Variants in ALKBH8 observed in about 807,000 individuals in gnomAD.
ALKBH8 encodes the protein tRNA (carboxymethyluridine(34)-5-O)-methyltransferase ALKBH8.
A neutral mutation model predicts 59.8 loss-of-function variants in ALKBH8; 36 were observed. That is an observed-to-expected ratio of 0.60 (90% CI 0.46 to 0.79). ALKBH8 has a LOEUF of 0.79. Among genes scored for constraint, ALKBH8 ranks in the 30% least tolerant of loss-of-function variants. ALKBH8 has a pLI of 0.00. For missense variants in ALKBH8, 768 were observed against 801.0 expected, an observed-to-expected ratio of 0.96 and a Z score of 0.50; for synonymous variants, 276 against 273.6, an observed-to-expected ratio of 1.01 and a Z score of -0.09.
rs973235245 is a variant in ALKBH8 at position 107,553,733 on chromosome 11, T to A, written c.499+114A>T. On this transcript the variant is annotated intron_variant, in intron 4 of 11. Coordinates refer to ENST00000428149, the MANE Select transcript of ALKBH8 (RefSeq NM_138775.3). Reference sequence around the variant, plus strand: ...TTGGTATGACTTGCCTAACATTGGATCCGGGCTAGTTTCAGTAATTTTGAG... The same window carrying A: ...TTGGTATGACTTGCCTAACATTGGAACCGGGCTAGTTTCAGTAATTTTGAG... 25 of 1,130,134 alleles carry A rather than the reference T, an allele frequency of 2.2e-5. No individual in the cohort carries two copies. The East Asian group carries it at 6.5e-4, about 29-fold the overall frequency. The allele number at this position is 1,130,134 out of a possible 1,614,324, so 70.0% of individuals were successfully genotyped here. A position where few individuals can be genotyped will look rare whatever the true frequency, so the allele number is the denominator to read the frequency against.
At chr11:107,533,882 A>T (rs1565330944) in intron 7 of ALKBH8, among the ~76,000 whole-genome samples, 1 of 152,164 alleles carries the variant, frequency 6.6e-6, no homozygotes, top group African/African-American at 2.4e-5. Flanking sequence ...TAATCCCAGC[A>T]CTTTGGGAGG....
At chr11:107,558,555 A>C (rs566783353) in intron 2 of ALKBH8, among the ~76,000 whole-genome samples, 1 of 152,322 alleles carries the variant, frequency 6.6e-6, no homozygotes, top group East Asian at 1.9e-4. Flanking sequence ...AAGATGATGA[A>C]GTATGACTTC....
chr11:107,515,219 T>A (rs1358655161), intron 10 of ALKBH8, among the ~76,000 whole-genome samples: 1 of 152,206 alleles, frequency 6.6e-6, no homozygotes, highest in Non-Finnish European at 1.5e-5. Flanking sequence ...AAAATCTCCC[T>A]AATAATGTTG....
At chr11:107,532,235 G>T in intron 8 of ALKBH8, 65 bp downstream of exon 8, 1 of 1,367,828 alleles carries the variant, frequency 7.3e-7, no homozygotes, top group Non-Finnish European at 1.0e-6. Flanking sequence ...GGTCCCCGTG[G>T]CTCAAACACA....
At chr11:107,559,542 TAAGGA>T (rs1177803212) in intron 2 of ALKBH8, among the ~76,000 whole-genome samples, 1 of 152,060 alleles carries the variant, frequency 6.6e-6, no homozygotes, top group East Asian at 1.9e-4. Flanking sequence ...ATAAACCCTG[TAAGGA>T]AAGGAACACA....
At chr11:107,559,497 T>C (rs1376192275) in intron 2 of ALKBH8, among the ~76,000 whole-genome samples, 4 of 150,818 alleles carry the variant, frequency 2.7e-5, no homozygotes, top group Non-Finnish European at 5.9e-5. Flanking sequence ...GTCAAAGAAA[T>C]GGAGCCTATT....
At position 107,527,588 on chromosome 11, in the gene ALKBH8, G is replaced by A. The variant is rs376868926; in HGVS notation, c.879-1996C>T. ...TCTCAATAAATTAATTCTGAGTACT[G>A]GAAAGGAAATATTTATGAGTCTTGA... On this transcript the variant is annotated intron_variant, in intron 8 of 11. Transcript: ENST00000428149. Among the ~76,000 whole-genome samples the A allele has an allele frequency of 2.6e-5, 4 of 151,870 alleles. No homozygotes were observed. The East Asian group carries it at 7.7e-4, about 29-fold the overall frequency.
chr11:107,551,342 C>A (rs1040217843), intron 6 of ALKBH8, among the ~76,000 whole-genome samples: 1 of 151,290 alleles, frequency 6.6e-6, no homozygotes, highest in Non-Finnish European at 1.5e-5. Flanking sequence ...AGACTGAAGT[C>A]AACACAAGTA....
chr11:107,520,865 T>C (rs1360218867), intron 10 of ALKBH8, among the ~76,000 whole-genome samples: 1 of 152,128 alleles, frequency 6.6e-6, no homozygotes, highest in Non-Finnish European at 1.5e-5. Context: ...CATCCAGGGA[T>C]TCAAGCAACC....
At chr11:107,507,087 A>G (rs992721754) in intron 11 of ALKBH8, among the ~76,000 whole-genome samples, 1 of 152,204 alleles carries the variant, frequency 6.6e-6, no homozygotes, top group Admixed American at 6.5e-5. Context: ...CAATGAAAGA[A>G]TATCTAGTCA....
intron 8 of ALKBH8, among the ~76,000 whole-genome samples, chr11:107,528,451 A>T (rs1400391188): frequency 6.6e-6 from 1 of 152,184 alleles, no homozygotes; most frequent in Non-Finnish European, 1.5e-5. Context: ...TAGAGGCAAA[A>T]AAAAGCAATC....
intron 1 of ALKBH8, 44 bp downstream of exon 1, chr11:107,565,557 G>A (rs975170532): frequency 3.9e-6 from 6 of 1,535,444 alleles, no homozygotes; most frequent in African/African-American, 1.4e-5. Flanking sequence ...AGAGGAAGCG[G>A]TGATTTGCTG....
chr11:107,525,566 A>G lies in ALKBH8; in HGVS notation c.905T>C (p.Val302Ala). Residue 302 changes from valine to alanine, a missense_variant, in exon 9 of 12, where the codon GTT (valine) becomes GCT (alanine). Physicochemically the swap from Val to Ala is moderately conservative, Grantham distance 64. Transcript: ENST00000428149. ...ACTTTTAAGACTCTCAGATGCTTGA[A>G]CAGTATCAAATTTTCTGCACGTGAT... ...HGITCRKFDT[V>A]QASESLKSGI... The G allele has an allele frequency of 6.7e-7, 1 of 1,484,118 alleles. No individual in the cohort carries two copies. The highest frequency in any genetic ancestry group is 8.9e-7 in the Non-Finnish European group (1 of 1,119,544). The allele number at this position is 1,484,118 out of a possible 1,614,324, so 91.9% of individuals were successfully genotyped here.
intron 10 of ALKBH8, among the ~76,000 whole-genome samples, chr11:107,519,874 T>C (rs1267997814): frequency 1.3e-5 from 2 of 152,086 alleles, no homozygotes; most frequent in African/African-American, 4.8e-5. Flanking sequence ...TGTTTCCTCA[T>C]CTAAAAAATA....
At chr11:107,514,032 T>G (rs1376209617) in intron 10 of ALKBH8, among the ~76,000 whole-genome samples, 1 of 152,076 alleles carries the variant, frequency 6.6e-6, no homozygotes, top group African/African-American at 2.4e-5. Context: ...ACATGTACGC[T>G]TGAACCTAAA....
chr11:107,509,025 T>C (rs577020936), intron 11 of ALKBH8, among the ~76,000 whole-genome samples: 1 of 152,324 alleles, frequency 6.6e-6, no homozygotes, highest in South Asian at 2.1e-4. Context: ...GGTATATATC[T>C]AGAAGCAGAA....
At chr11:107,548,405 C>G (rs986823960) in intron 7 of ALKBH8, among the ~76,000 whole-genome samples, 1 of 152,140 alleles carries the variant, frequency 6.6e-6, no homozygotes, top group Non-Finnish European at 1.5e-5. Context: ...ACTCTGATCT[C>G]GAATTATCTT....
At chr11:107,543,330 G>A (rs1056998764) in intron 7 of ALKBH8, among the ~76,000 whole-genome samples, 4 of 151,484 alleles carry the variant, frequency 2.6e-5, no homozygotes, top group Admixed American at 1.3e-4. Flanking sequence ...GAGAGACTTC[G>A]TCTCAAAAAA....
Position 107,553,860 on chromosome 11 carries a change from T to G in ALKBH8, c.486A>C (p.Thr162=), listed in dbSNP as rs946766574. ...AGTTTTACTTACAGTTTTGATTGTC[T>G]GTATCTTCTGTCCAATCAACACTTT... ...LLESVDWTED[T]DNQNSQKSLK... Residue 162 remains threonine, a synonymous_variant, in exon 4 of 12, where the codon ACA becomes ACC. Transcript: ENST00000428149. 5.0e-6 allele frequency: 8 copies of G among 1,611,898 alleles called. No homozygotes were observed. The highest frequency in any genetic ancestry group is 5.9e-6 in the Non-Finnish European group (7 of 1,179,346).
Sources: allele counts gnomAD v4.1 joint callset (sites outside exome capture counted in the v4.1 genomes callset), GRCh38; gene constraint gnomAD v4.1.1; transcripts MANE v1.5; gene names NCBI Gene and HGNC (gene_info 2026-07-23, HGNC 2026-07-21).